Variants in TRPM3 observed in about 807,000 individuals in gnomAD.
The protein encoded by TRPM3 is long transient receptor potential channel 3.
In TRPM3, 77 loss-of-function variants were observed where a neutral mutation model predicts 181.2. The ratio of observed to expected loss-of-function variants is 0.42; its 90% CI spans 0.35 to 0.51. The LOEUF (loss-of-function observed/expected upper bound fraction) is 0.51. TRPM3 is among the 20% of genes least tolerant of loss of function. The pLI is 0.01. For synonymous variants in TRPM3, 745 were observed against 796.4 expected, an observed-to-expected ratio of 0.94 and a Z score of 1.09; for missense variants, 1,759 against 2,196.7, an observed-to-expected ratio of 0.80 and a Z score of 3.98.
chr9:71,038,270 C>T (rs1287287745), intron 1 of TRPM3, among the ~76,000 whole-genome samples: 2 of 152,130 alleles, frequency 1.3e-5, no homozygotes, highest in African/African-American at 2.4e-5. Context: ...TCTGAGATGC[C>T]TCTTGTCTTT....
At chr9:71,078,094 C>T (rs1420241455) in intron 1 of TRPM3, among the ~76,000 whole-genome samples, 1 of 151,892 alleles carries the variant, frequency 6.6e-6, no homozygotes, top group East Asian at 1.9e-4. Context: ...CAAAAACATA[C>T]TTGGGAGGAA....
At chr9:70,539,362 G>T (rs1173021421) in intron 25 of TRPM3, among the ~76,000 whole-genome samples, 1 of 152,072 alleles carries the variant, frequency 6.6e-6, no homozygotes, top group Non-Finnish European at 1.5e-5. Flanking sequence ...CCCCTGCCTT[G>T]GGGCACATTT....
Position 70,610,630 on chromosome 9 carries a change from G to A in TRPM3, c.2646C>T (p.Ile882=), listed in dbSNP as rs771053791. Reference sequence around the variant, plus strand: ...TTACTGTGTAGAACCAGAACTTCACGATGGGTGCATTGTAGAATTCATAGA... The same window carrying A: ...TTACTGTGTAGAACCAGAACTTCACAATGGGTGCATTGTAGAATTCATAGA... ...RKIYEFYNAP[I]VKFWFYTLAY... is the part of the protein sequence containing the mutation. Residue 882 remains isoleucine (I), a synonymous_variant, in exon 19 of 26, where the codon ATC becomes ATT. Transcript: ENST00000677713. 5.0e-6 allele frequency: 8 copies of A among 1,614,060 alleles called. No individual in the cohort carries two copies. Among genetic ancestry groups the A allele is most frequent in the South Asian group, 2.2e-5 (2 of 91,040 alleles).
intron 8 of TRPM3, among the ~76,000 whole-genome samples, chr9:70,755,258 G>C (rs1184776737): frequency 6.6e-6 from 1 of 152,042 alleles, no homozygotes; most frequent in Non-Finnish European, 1.5e-5. Flanking sequence ...AATGTTAAGG[G>C]CAGCCAGAAA....
At chr9:71,278,597 A>G (rs1266836505) in intron 1 of TRPM3, among the ~76,000 whole-genome samples, 1 of 152,214 alleles carries the variant, frequency 6.6e-6, no homozygotes, top group East Asian at 1.9e-4. Flanking sequence ...ATAATATAAG[A>G]TTAATACAAA....
intron 8 of TRPM3, among the ~76,000 whole-genome samples, chr9:70,738,609 G>C (rs1662005106): frequency 6.6e-6 from 1 of 151,822 alleles, no homozygotes; most frequent in Non-Finnish European, 1.5e-5. Flanking sequence ...ACCCAAACTC[G>C]GCAGAAGAAA....
At chr9:70,803,148 G>C (rs1268709443) in intron 6 of TRPM3, among the ~76,000 whole-genome samples, 1 of 151,688 alleles carries the variant, frequency 6.6e-6, no homozygotes, top group Non-Finnish European at 1.5e-5. Flanking sequence ...GATGAGATGC[G>C]GAAGAAATGA....
At chr9:70,869,093 C>A (rs1376067441) in intron 1 of TRPM3, 2 of 979,330 alleles carry the variant, frequency 2.0e-6, no homozygotes, top group Non-Finnish European at 2.4e-6. Flanking sequence ...GCTCTTATGA[C>A]CGCCCACTGG....
At chr9:70,895,715 G>A (rs1454876326) in intron 1 of TRPM3, among the ~76,000 whole-genome samples, 1 of 152,012 alleles carries the variant, frequency 6.6e-6, no homozygotes, top group African/African-American at 2.4e-5. Flanking sequence ...GGGGGGAACT[G>A]AGAATATATT....
chr9:70,690,219 T>C (rs1235117497), intron 8 of TRPM3, among the ~76,000 whole-genome samples: 4 of 152,178 alleles, frequency 2.6e-5, no homozygotes, highest in African/African-American at 7.2e-5. Context: ...AGAAATGATA[T>C]CTGAGTTTGA....
At chr9:70,740,178 C>T (rs1587652197) in intron 8 of TRPM3, among the ~76,000 whole-genome samples, 1 of 152,122 alleles carries the variant, frequency 6.6e-6, no homozygotes, top group Non-Finnish European at 1.5e-5. Context: ...ACACCATCAA[C>T]GACCAAGCTG....
chr9:71,226,772 C>G (rs190405864), intron 1 of TRPM3, among the ~76,000 whole-genome samples: 1 of 152,008 alleles, frequency 6.6e-6, no homozygotes, highest in Admixed American at 6.6e-5. Context: ...GAGATAGACT[C>G]CAATACAATA....
In TRPM3 at chr9:71,274,501, C is replaced by T. The variant is rs541237445; in HGVS notation, c.183+172152G>A. On this transcript the variant is annotated intron_variant, in intron 1 of 24. Transcript: ENST00000357533. The stretch of plus-strand genomic sequence containing the variant: ...AGACAGTTAAGGGGCCCTACAAACA[C>T]CCTGTCATCTTCCCTTCCTACAGGA... Among the ~76,000 whole-genome samples the T allele has an allele frequency of 2.6e-5, 4 of 152,290 alleles. No individual in the cohort carries two copies. In the South Asian group the frequency reaches 8.3e-4, roughly 32 times the overall value.
chr9:71,329,018 TG>T (rs1239126320), intron 1 of TRPM3, among the ~76,000 whole-genome samples: 1 of 152,228 alleles, frequency 6.6e-6, no homozygotes, highest in African/African-American at 2.4e-5. Context: ...GCAAGGAAGT[TG>T]ACCTTCCTGA....
At chr9:71,315,253 G>T (rs943090465) in intron 1 of TRPM3, among the ~76,000 whole-genome samples, 1 of 151,958 alleles carries the variant, frequency 6.6e-6, no homozygotes, top group Non-Finnish European at 1.5e-5. Context: ...CAGGGGGTGG[G>T]GTAAAAGAAT....
At position 70,605,944 on chromosome 9, in the gene TRPM3, GTAACT is replaced by G. The variant is rs1169393366; in HGVS notation, c.2668-2479_2668-2475del. On this transcript the variant is annotated intron_variant, in intron 19 of 25. Coordinates refer to ENST00000677713, the MANE Select transcript of TRPM3 (RefSeq NM_001366145.2). ...AGAACCTCTGCATTTTAATACTTAAGTAACTCCTTAAACCTATTTTAATGCTTAAG... is the reference window on the plus strand; with the variant it reads ...AGAACCTCTGCATTTTAATACTTAAGCCTTAAACCTATTTTAATGCTTAAG... Among the ~76,000 whole-genome samples, 3 of 152,262 alleles carry G rather than the reference GTAACT, an allele frequency of 2.0e-5. No homozygotes were observed. In the East Asian group the frequency reaches 5.8e-4, roughly 29 times the overall value.
intron 22 of TRPM3, among the ~76,000 whole-genome samples, chr9:70,574,048 T>C (rs1293862226): frequency 1.4e-5 from 2 of 146,024 alleles, no homozygotes; most frequent in East Asian, 2.0e-4. Flanking sequence ...GATTTAGAAA[T>C]GTAGGTTAAA....
intron 1 of TRPM3, among the ~76,000 whole-genome samples, chr9:71,183,660 A>G (rs2077523611): frequency 6.6e-6 from 1 of 152,146 alleles, no homozygotes. Context: ...AAATACACAC[A>G]GCTGGGAAAA....
chr9:70,954,371 G>GAGGAATGTGAGA (rs914656625), intron 1 of TRPM3, among the ~76,000 whole-genome samples: 3 of 152,124 alleles, frequency 2.0e-5, no homozygotes, highest in Admixed American at 6.6e-5. Flanking sequence ...TAAGTATGTA[G>GAGGAATGTGAGA]AGGAATGTGA....
Sources: allele counts gnomAD v4.1 joint callset (sites outside exome capture counted in the v4.1 genomes callset), GRCh38; gene constraint gnomAD v4.1.1; transcripts MANE v1.5; gene names NCBI Gene and HGNC (gene_info 2026-07-23, HGNC 2026-07-21).